The following STON2 variants were observed in gnomAD, a reference collection of about 807,000 sequenced individuals.
STON2 encodes the protein stonin 2.
In STON2, 29 loss-of-function variants were observed where a neutral mutation model predicts 65.7. That is an observed-to-expected ratio of 0.44 (90% CI 0.33 to 0.60). The LOEUF (loss-of-function observed/expected upper bound fraction) is 0.60. STON2 is among the 20% of genes least tolerant of loss of function. The pLI, the probability that STON2 is intolerant of heterozygous loss-of-function variation, is 0.03. For missense variants in STON2, 1,054 were observed against 1,118.1 expected (o/e 0.94, Z 0.82); for synonymous variants, 404 against 414.2 (o/e 0.98, Z 0.30).
At chr14:81,347,735 C>G (rs939533118) in intron 4 of STON2, among the ~76,000 whole-genome samples, 2 of 77,562 alleles carry the variant, frequency 2.6e-5, no homozygotes, top group African/African-American at 4.0e-5. Context: ...GAGACCCCCT[C>G]CCCCTTCTCT....
chr14:81,294,164 C>G (rs1595304987), intron 5 of STON2, among the ~76,000 whole-genome samples: 1 of 152,322 alleles, frequency 6.6e-6, no homozygotes, highest in African/African-American at 2.4e-5. Flanking sequence ...ACCTTCCAAT[C>G]TTGTCTAACT....
At chr14:81,426,066 A>G (rs1172102085) in intron 2 of STON2, among the ~76,000 whole-genome samples, 1 of 152,256 alleles carries the variant, frequency 6.6e-6, no homozygotes, top group East Asian at 1.9e-4. Flanking sequence ...ACAGCTTCAC[A>G]GCACGAATGT....
intron 4 of STON2, among the ~76,000 whole-genome samples, chr14:81,360,484 A>T (rs1898443218): frequency 6.6e-6 from 1 of 152,190 alleles, no homozygotes. Context: ...TTCTTTAATG[A>T]TAAAAAAAAT....
intron 3 of STON2, among the ~76,000 whole-genome samples, chr14:81,394,053 T>G (rs1900202812): frequency 6.6e-6 from 1 of 152,160 alleles, no homozygotes; most frequent in Admixed American, 6.5e-5. Flanking sequence ...TAGCCAGGCA[T>G]GGTGATGGGT....
At chr14:81,274,033 G>A (rs1355371491) in intron 6 of STON2, among the ~76,000 whole-genome samples, 2 of 152,166 alleles carry the variant, frequency 1.3e-5, no homozygotes, top group Admixed American at 6.5e-5. Context: ...CTGGGTTCCC[G>A]GATGGAACAC....
At chr14:81,275,330 C>G (rs1894772411) in intron 6 of STON2, among the ~76,000 whole-genome samples, 1 of 152,100 alleles carries the variant, frequency 6.6e-6, no homozygotes, top group African/African-American at 2.4e-5. Context: ...GAAAAGGACC[C>G]TGGATGTGAC....
rs35768263 is a variant in STON2 at position 81,277,454 on chromosome 14, G to C, written c.2028C>G (p.Leu676=). 1 of 1,614,126 alleles carries C rather than the reference G, an allele frequency of 6.2e-7. No homozygotes were observed. Among genetic ancestry groups the C allele is most frequent in the East Asian group, 2.2e-5 (1 of 44,888 alleles). ...AECRLGLNDI[L]VKGNEIVLRQ... is the part of the protein sequence containing the mutation. Reference sequence around the variant, plus strand: ...TCAAAACTATTTCATTCCCTTTGACGAGGATGTCATTGAGGCCCAGGCGGC... The same window carrying C: ...TCAAAACTATTTCATTCCCTTTGACCAGGATGTCATTGAGGCCCAGGCGGC... The change falls in exon 6 of 8, where the codon CTC becomes CTG. Residue 676 remains leucine, a synonymous_variant. Transcript: ENST00000614646.
rs1317275033 is a variant in STON2 at position 81,261,946 on chromosome 14, A to T, written c.*6468T>A. 4.6e-5 allele frequency: 28 copies of T among 604,934 alleles called. No individual in the cohort carries two copies. The highest frequency in any genetic ancestry group is 3.5e-4 in the African/African-American group (14 of 39,438). The allele number at this position is 604,934 out of a possible 1,614,324, so 37.5% of individuals were successfully genotyped here. A position where few individuals can be genotyped will look rare whatever the true frequency, so the allele number is the denominator to read the frequency against. ...GTTTCTGTTGTCTGGGGAAATGATA[A>T]AAAAAAAAAAAAAAAAGAGAGAGAT... is the stretch of plus-strand genomic sequence containing the variant. On this transcript the variant is annotated 3_prime_UTR_variant, in exon 8 of 8. Transcript: ENST00000614646.
At chr14:81,397,547 A>G (rs1201790348) in intron 2 of STON2, among the ~76,000 whole-genome samples, 1 of 152,182 alleles carries the variant, frequency 6.6e-6, no homozygotes, top group Non-Finnish European at 1.5e-5. Context: ...ACCATATTGG[A>G]GAGCATACCT....
chr14:81,395,792 TA>T (rs1566941860), intron 3 of STON2, 101 bp downstream of exon 3: 1 of 1,203,530 alleles, frequency 8.3e-7, no homozygotes, highest in African/African-American at 1.5e-5. Context: ...GCTTCAGGGT[TA>T]GGGGGCAGAT....
In STON2 at chr14:81,267,016, G is replaced by A. The variant is rs1330301714; in HGVS notation, c.*1398C>T. The stretch of plus-strand genomic sequence containing the variant: ...AATACACATTTAGACTCCAATGATT[G>A]TTCATTGAATACATTAATCTTGAAT... On this transcript the variant is annotated 3_prime_UTR_variant, in exon 8 of 8. Transcript: ENST00000614646. The A allele has an allele frequency of 1.0e-6, 1 of 985,264 alleles. No individual in the cohort carries two copies. 61.0% of individuals were successfully genotyped at this position (985,264 alleles called of 1,614,324 possible).
chr14:81,266,640 G>A lies in STON2; in HGVS notation c.*1774C>T. On this transcript the variant is annotated 3_prime_UTR_variant, in exon 8 of 8. Transcript: ENST00000614646. ...CATTTAGATATGGACTAGATGGAGG[G>A]TTAATAAAAGCATGTAAGGCTTTTA... 4 of 979,328 alleles carry A rather than the reference G, an allele frequency of 4.1e-6. No homozygotes were observed. Among genetic ancestry groups the A allele is most frequent in the South Asian group, 4.7e-5 (1 of 21,170 alleles). The allele number at this position is 979,328 out of a possible 1,614,324, so 60.7% of individuals were successfully genotyped here.
At chr14:81,280,592 C>G (rs1374028692) in intron 5 of STON2, among the ~76,000 whole-genome samples, 1 of 152,160 alleles carries the variant, frequency 6.6e-6, no homozygotes, top group East Asian at 1.9e-4. Flanking sequence ...CCAACCACAC[C>G]CATCAGCAAT....
intron 3 of STON2, among the ~76,000 whole-genome samples, chr14:81,388,320 T>G (rs1269794825): frequency 2.0e-5 from 3 of 152,182 alleles, no homozygotes; most frequent in Admixed American, 6.5e-5. Flanking sequence ...TGGCACTTAT[T>G]CACTTCAAAC....
intron 5 of STON2, among the ~76,000 whole-genome samples, chr14:81,313,561 G>A (rs778325006): frequency 9.2e-5 from 14 of 151,832 alleles, no homozygotes; most frequent in African/African-American, 2.9e-4. Flanking sequence ...TCGGGAGGCC[G>A]AGGCAGGTAG....
intron 4 of STON2, among the ~76,000 whole-genome samples, chr14:81,356,385 T>C (rs1332934500): frequency 6.6e-6 from 1 of 152,232 alleles, no homozygotes; most frequent in Non-Finnish European, 1.5e-5. Context: ...ATAAGCTTTT[T>C]GATGTGTTGC....
intron 3 of STON2, among the ~76,000 whole-genome samples, chr14:81,373,246 CA>C (rs1482978390): frequency 6.6e-6 from 1 of 152,014 alleles, no homozygotes; most frequent in Non-Finnish European, 1.5e-5. Context: ...AGAAGCACCA[CA>C]AATCATTCCA....
chr14:81,276,598 G>C (rs569310178), intron 6 of STON2, among the ~76,000 whole-genome samples: 5 of 152,260 alleles, frequency 3.3e-5, no homozygotes, highest in African/African-American at 1.2e-4. Context: ...ACGTTAATGA[G>C]TCCCCAAAGA....
chr14:81,371,657 G>C (rs1445819242), intron 3 of STON2, among the ~76,000 whole-genome samples: 1 of 117,626 alleles, frequency 8.5e-6, no homozygotes, highest in Non-Finnish European at 1.7e-5. Flanking sequence ...CTGGACAACA[G>C]AATGAATGAG....
Sources: gnomAD v4.1 joint callset for allele counts (sites outside exome capture counted in the v4.1 genomes callset) on GRCh38, gnomAD v4.1.1 for gene constraint, MANE v1.5 for transcripts, NCBI Gene and HGNC (gene_info 2026-07-23, HGNC 2026-07-21) for gene names.